Variants in MCF2L2 observed in about 807,000 individuals in gnomAD.
The protein encoded by MCF2L2 is MCF.2 cell line derived transforming sequence-like 2.
A neutral mutation model predicts 150.2 loss-of-function variants in MCF2L2; 102 were observed. That is an observed-to-expected ratio of 0.68 (90% CI 0.58 to 0.80). The LOEUF (loss-of-function observed/expected upper bound fraction) is 0.80. MCF2L2 is among the 30% of genes least tolerant of loss of function. The pLI is 0.00. For missense variants in MCF2L2, 1,256 were observed against 1,372.8 expected (o/e 0.91, Z 1.34); for synonymous variants, 465 against 491.3 (o/e 0.95, Z 0.71).
At chr3:183,263,198 G>C (rs1725781357) in intron 15 of MCF2L2, among the ~76,000 whole-genome samples, 1 of 152,088 alleles carries the variant, frequency 6.6e-6, no homozygotes, top group Admixed American at 6.5e-5. Context: ...TGAGTGTTGG[G>C]AGATCACATG....
At chr3:183,360,824 C>T (rs950855160) in intron 3 of MCF2L2, among the ~76,000 whole-genome samples, 7 of 151,906 alleles carry the variant, frequency 4.6e-5, no homozygotes, top group African/African-American at 1.7e-4. Context: ...AGAAAATTAG[C>T]CGAGTGTGGT....
chr3:183,355,603 C>T (rs921593954), intron 3 of MCF2L2, among the ~76,000 whole-genome samples: 37 of 138,816 alleles, frequency 2.7e-4, no homozygotes, highest in African/African-American at 8.6e-4. Flanking sequence ...CCCGCCACCA[C>T]GCCCAGCTAA....
At chr3:183,269,539 C>T (rs1726537025) in intron 15 of MCF2L2, 1 of 398,544 alleles carries the variant, frequency 2.5e-6, no homozygotes, top group Admixed American at 4.3e-5. Context: ...ATGAGGCCGC[C>T]CACCACGCTT....
At chr3:183,334,652 A>G (rs7648611) in intron 5 of MCF2L2, among the ~76,000 whole-genome samples, 46,879 of 151,320 alleles carry the variant, frequency 0.31, 9,611 homozygotes, top group African/African-American at 0.58. Context: ...AATTATCCGG[A>G]TGTAATGGCA....
intron 22 of MCF2L2, among the ~76,000 whole-genome samples, chr3:183,208,772 T>C (rs1410975396): frequency 1.9e-4 from 29 of 152,220 alleles, no homozygotes; most frequent in Admixed American, 1.9e-3. Context: ...TCTGAGTTAA[T>C]ACTGGAAATA....
At chr3:183,328,056 C>CCAGA (rs1195031831) in intron 5 of MCF2L2, among the ~76,000 whole-genome samples, 1 of 152,072 alleles carries the variant, frequency 6.6e-6, no homozygotes, top group Non-Finnish European at 1.5e-5. Context: ...ACTCACTGAC[C>CCAGA]TCTGGGAAGA....
At chr3:183,258,591 C>T (rs1725295921) in intron 15 of MCF2L2, among the ~76,000 whole-genome samples, 1 of 152,210 alleles carries the variant, frequency 6.6e-6, no homozygotes, top group African/African-American at 2.4e-5. Context: ...GGTTTGGGGT[C>T]CATAGTTTGT....
chr3:183,352,289 G>A (rs1711527932), intron 3 of MCF2L2, among the ~76,000 whole-genome samples: 1 of 152,170 alleles, frequency 6.6e-6, no homozygotes, highest in Non-Finnish European at 1.5e-5. Context: ...TTGGGAGGCT[G>A]AGGCGGGCAG....
At chr3:183,213,136 T>C (rs1357433324) in intron 22 of MCF2L2, among the ~76,000 whole-genome samples, 1 of 152,104 alleles carries the variant, frequency 6.6e-6, no homozygotes, top group Non-Finnish European at 1.5e-5. Flanking sequence ...TAGTGGTTTA[T>C]ATAAATTTGT....
intron 1 of MCF2L2, among the ~76,000 whole-genome samples, chr3:183,427,674 G>C (rs996603172): frequency 6.6e-6 from 1 of 152,042 alleles, no homozygotes; most frequent in African/African-American, 2.4e-5. Context: ...CAACCACCTG[G>C]TGAAGGCACC....
At chr3:183,344,173 T>A (rs964078700) in intron 3 of MCF2L2, among the ~76,000 whole-genome samples, 2 of 152,002 alleles carry the variant, frequency 1.3e-5, no homozygotes. Flanking sequence ...GAAACTAGTA[T>A]TGGGTGAAAT....
At chr3:183,195,070 A>G (rs997120051) in intron 26 of MCF2L2, 152 bp downstream of exon 26, 13 of 663,772 alleles carry the variant, frequency 2.0e-5, no homozygotes, top group Non-Finnish European at 2.5e-5. Context: ...GGCGTGAGCC[A>G]CTGCGCCCAG....
intron 15 of MCF2L2, chr3:183,273,022 A>G: frequency 6.7e-7 from 1 of 1,487,480 alleles, no homozygotes; most frequent in South Asian, 1.4e-5. Context: ...AAGTTGCTAG[A>G]TGATTCCTTC....
chr3:183,327,940 TGA>T (rs1730117823), intron 5 of MCF2L2, among the ~76,000 whole-genome samples: 1 of 152,218 alleles, frequency 6.6e-6, no homozygotes, highest in Admixed American at 6.5e-5. Context: ...TGGTCACACC[TGA>T]GTTTACATGA....
intron 9 of MCF2L2, chr3:183,310,618 A>C (rs1386213714): frequency 3.1e-6 from 1 of 325,926 alleles, no homozygotes; most frequent in Non-Finnish European, 5.9e-6. Flanking sequence ...AGCCATGATC[A>C]CACCACTGCA....
chr3:183,226,401 C>T (rs148133013), intron 18 of MCF2L2: 8 of 152,128 alleles, frequency 5.3e-5, no homozygotes, highest in African/African-American at 1.9e-4. Context: ...CGAGATCACG[C>T]CACAGCACTC....
At chr3:183,196,512 C>G (rs1244291564) in intron 25 of MCF2L2, among the ~76,000 whole-genome samples, 1 of 152,126 alleles carries the variant, frequency 6.6e-6, no homozygotes, top group Non-Finnish European at 1.5e-5. Context: ...TGCCCGGATA[C>G]CCTCAAGGGT....
At chr3:183,228,074 G>T in intron 18 of MCF2L2, 6 of 398,892 alleles carry the variant, frequency 1.5e-5, no homozygotes, top group East Asian at 4.6e-5. Context: ...TCATTAACTT[G>T]ATTGCAGTAA....
At chr3:183,407,323 ATTG>A (rs1715095855) in intron 1 of MCF2L2, among the ~76,000 whole-genome samples, 1 of 151,766 alleles carries the variant, frequency 6.6e-6, no homozygotes, top group South Asian at 2.1e-4. Context: ...TTAAAAAAAA[ATTG>A]TTATTATAGT....
Sources: gnomAD v4.1 joint callset for allele counts (sites outside exome capture counted in the v4.1 genomes callset) on GRCh38, gnomAD v4.1.1 for gene constraint, MANE v1.5 for transcripts, NCBI Gene and HGNC (gene_info 2026-07-23, HGNC 2026-07-21) for gene names.